Variants in MALRD1 observed in about 807,000 individuals in gnomAD.
MALRD1 encodes the protein MAM and LDL-receptor class A domain-containing protein 1.
Under a neutral mutation model 242.1 loss-of-function variants are expected in MALRD1, and 247 were observed. The ratio of observed to expected loss-of-function variants is 1.02; its 90% CI spans 0.92 to 1.13. The LOEUF is 1.13. MALRD1 is among the 50% of genes most tolerant of loss of function. The pLI is 0.00. For synonymous variants in MALRD1, 995 were observed against 866.6 expected, an observed-to-expected ratio of 1.15 and a Z score of -2.60; for missense variants, 2,989 against 2,533.1, an observed-to-expected ratio of 1.18 and a Z score of -3.86.
intron 29 of MALRD1, among the ~76,000 whole-genome samples, chr10:19,483,816 G>A (rs978665764): frequency 1.3e-5 from 2 of 152,024 alleles, no homozygotes; most frequent in African/African-American, 4.8e-5. Flanking sequence ...AAAAAAAGAT[G>A]CATGAATGCA....
intron 25 of MALRD1, among the ~76,000 whole-genome samples, chr10:19,348,389 A>G (rs188637216): frequency 1.0e-3 from 154 of 152,302 alleles, no homozygotes; most frequent in African/African-American, 3.5e-3. Context: ...AATAGAATTA[A>G]ACAACAGTCA....
At chr10:19,372,170 T>A (rs183600298) in intron 26 of MALRD1, among the ~76,000 whole-genome samples, 4 of 152,272 alleles carry the variant, frequency 2.6e-5, no homozygotes, top group African/African-American at 9.6e-5. Flanking sequence ...ACTATATGAC[T>A]TAATTGCAAT....
chr10:19,213,845 G>A (rs1015557108), intron 18 of MALRD1, among the ~76,000 whole-genome samples: 2 of 152,018 alleles, frequency 1.3e-5, no homozygotes, highest in South Asian at 2.1e-4. Context: ...ACTCTTTTTG[G>A]TCTTGCTTTA....
chr10:19,301,291 A>G (rs1021281341), intron 21 of MALRD1, among the ~76,000 whole-genome samples: 4 of 151,922 alleles, frequency 2.6e-5, no homozygotes, highest in Non-Finnish European at 4.4e-5. Context: ...CTGTTGTGGA[A>G]AGCAGTGTGG....
At chr10:19,250,307 CA>C (rs1471145325) in intron 18 of MALRD1, among the ~76,000 whole-genome samples, 2 of 151,880 alleles carry the variant, frequency 1.3e-5, no homozygotes, top group African/African-American at 2.4e-5. Context: ...TCTAAAATAT[CA>C]ACCAGACTTT....
At position 19,349,957 on chromosome 10, in the gene MALRD1, C is replaced by A. The variant is rs1029010269; in HGVS notation, c.4149+1939C>A. Among the ~76,000 whole-genome samples, 5 of 151,994 alleles carry A rather than the reference C, an allele frequency of 3.3e-5. No individual in the cohort carries two copies. The East Asian group carries it at 9.7e-4, about 29-fold the overall frequency. ...ATCTGTGTGAGAATAATGAAGTATG[C>A]CTAGAAGAAATGTCAAAAAATTAAT... On this transcript the variant is annotated intron_variant, in intron 25 of 39. Transcript: ENST00000454679.
chr10:19,496,990 AT>A (rs1837747757), intron 30 of MALRD1, among the ~76,000 whole-genome samples: 1 of 152,180 alleles, frequency 6.6e-6, no homozygotes, highest in Admixed American at 6.5e-5. Flanking sequence ...ATGTAAGAGA[AT>A]TTATCCTGAT....
At chr10:19,425,323 T>C (rs1020900671) in intron 28 of MALRD1, among the ~76,000 whole-genome samples, 2 of 152,174 alleles carry the variant, frequency 1.3e-5, no homozygotes, top group Non-Finnish European at 2.9e-5. Context: ...TTCCCCTTCT[T>C]CCCTTTATTC....
intron 19 of MALRD1, among the ~76,000 whole-genome samples, chr10:19,275,406 C>T (rs1352665949): frequency 2.0e-5 from 3 of 152,132 alleles, no homozygotes; most frequent in South Asian, 2.1e-4. Context: ...CGGTGGCTCA[C>T]GCCTGTAATC....
chr10:19,321,572 A>T (rs901741441), intron 21 of MALRD1, among the ~76,000 whole-genome samples: 2 of 152,306 alleles, frequency 1.3e-5, no homozygotes, highest in Admixed American at 6.5e-5. Flanking sequence ...ATAAAGATCT[A>T]ATCAGCATAC....
At chr10:19,494,811 T>A (rs1837641934) in intron 30 of MALRD1, among the ~76,000 whole-genome samples, 1 of 152,118 alleles carries the variant, frequency 6.6e-6, no homozygotes, top group Non-Finnish European at 1.5e-5. Flanking sequence ...CTGGTATCCT[T>A]GAAAGAGACA....
At position 19,717,920 on chromosome 10, in the gene MALRD1, G is replaced by A. The variant is rs59958232; in HGVS notation, c.6315-12786G>A. Reference sequence around the variant, plus strand: ...TAATTTCAGCTACTTGGGAGGCTGAGACATGAGAATCATTTGGACCCAGGA... The same window carrying A: ...TAATTTCAGCTACTTGGGAGGCTGAAACATGAGAATCATTTGGACCCAGGA... On this transcript the variant is annotated intron_variant, in intron 38 of 39. Transcript: ENST00000454679. Among the ~76,000 whole-genome samples, 800 of 152,052 alleles carry A rather than the reference G, an allele frequency of 5.3e-3. 10 individuals are homozygous for A. The highest frequency in any genetic ancestry group is 0.025 in the East Asian group (127 of 5,166).
chr10:19,418,312 C>A (rs769925083), intron 28 of MALRD1, among the ~76,000 whole-genome samples: 13 of 151,724 alleles, frequency 8.6e-5, no homozygotes, highest in Non-Finnish European at 1.6e-4. Flanking sequence ...AACATAAGCA[C>A]CATGATTAAG....
intron 19 of MALRD1, among the ~76,000 whole-genome samples, chr10:19,260,785 C>A (rs984470246): frequency 2.8e-4 from 42 of 152,074 alleles, no homozygotes; most frequent in Non-Finnish European, 1.2e-4. Context: ...AGGAGATAAC[C>A]TGCTCAAGGG....
At position 19,061,256 on chromosome 10, in the gene MALRD1, T is replaced by G. The variant is rs555865807; in HGVS notation, c.200-5463T>G. 4.6e-5 allele frequency among the ~76,000 whole-genome samples: 7 copies of G among 152,304 alleles called. No individual in the cohort carries two copies. In the East Asian group the frequency reaches 1.4e-3, roughly 29 times the overall value. ...GACAGAAATCTTTTATATTGAAAAC[T>G]ATGTCATTGTTGAAAGACATTTACA... On this transcript the variant is annotated intron_variant, in intron 1 of 39. Coordinates refer to ENST00000454679, the MANE Select transcript of MALRD1 (RefSeq NM_001142308.3).
chr10:19,064,325 G>A (rs940399436), intron 1 of MALRD1, among the ~76,000 whole-genome samples: 4 of 152,072 alleles, frequency 2.6e-5, no homozygotes, highest in Non-Finnish European at 4.4e-5. Flanking sequence ...TTATTACAGC[G>A]GATAGTTTCA....
At position 19,641,447 on chromosome 10, in the gene MALRD1, C is replaced by T. The variant is rs185531057; in HGVS notation, c.6137+25524C>T. Among the ~76,000 whole-genome samples the T allele has an allele frequency of 3.3e-4, 50 of 152,186 alleles. 1 individual carries two copies. The highest frequency in any genetic ancestry group is 8.5e-4 in the Admixed American group (13 of 15,284). ...CTTTATTTTAAAAATACGGTTGAGACGAGCAAAAGACACCTGCACTAAGAA... is the reference window on the plus strand; with the variant it reads ...CTTTATTTTAAAAATACGGTTGAGATGAGCAAAAGACACCTGCACTAAGAA... On this transcript the variant is annotated intron_variant, in intron 36 of 39. Transcript: ENST00000454679.
chr10:19,351,718 G>A (rs766325197), intron 25 of MALRD1, among the ~76,000 whole-genome samples: 1 of 152,070 alleles, frequency 6.6e-6, no homozygotes, highest in Non-Finnish European at 1.5e-5. Context: ...GTTTATGAAG[G>A]AATCTTGCTT....
At chr10:19,165,242 A>AATATATATATGTATATATAT (rs1488075699) in intron 12 of MALRD1, among the ~76,000 whole-genome samples, 2 of 69,814 alleles carry the variant, frequency 2.9e-5, no homozygotes, top group East Asian at 8.4e-4. Flanking sequence ...AGTTGTTTGG[A>AATATATATATGTATATATAT]ATATATATAT....
Sources: gnomAD v4.1 joint callset for allele counts (sites outside exome capture counted in the v4.1 genomes callset) on GRCh38, gnomAD v4.1.1 for gene constraint, MANE v1.5 for transcripts, NCBI Gene and HGNC (gene_info 2026-07-23, HGNC 2026-07-21) for gene names.